ZNF385B: variants seen among roughly 807,000 people sequenced by gnomAD.
The protein encoded by ZNF385B is zinc finger protein 533.
ZNF385B carries 23 observed loss-of-function variants against 39.2 expected under a neutral mutation model. That is an observed-to-expected ratio of 0.59 (90% CI 0.42 to 0.83). The LOEUF (loss-of-function observed/expected upper bound fraction) is 0.83. Among genes scored for constraint, ZNF385B ranks in the 40% least tolerant of loss-of-function variants. ZNF385B has a pLI of 0.00. For missense variants in ZNF385B, 552 were observed against 598.9 expected (o/e 0.92, Z 0.82); for synonymous variants, 205 against 222.6 (o/e 0.92, Z 0.70).
In ZNF385B at chr2:179,693,685, A is replaced by G. The variant is rs57028984; in HGVS notation, c.298+75818T>C. The stretch of plus-strand genomic sequence containing the variant: ...ATAAACATGTAACATCATTCAAAAT[A>G]CTTTTTATGAAATAATCACAGGTAC... On this transcript the variant is annotated intron_variant, in intron 3 of 9. Coordinates refer to ENST00000410066, the MANE Select transcript of ZNF385B (RefSeq NM_152520.6). Among the ~76,000 whole-genome samples, 633 of 152,322 alleles carry G rather than the reference A, an allele frequency of 4.2e-3. 4 individuals are homozygous for G. Among genetic ancestry groups the G allele is most frequent in the African/African-American group, 0.015 (614 of 41,570 alleles).
At chr2:179,768,694 T>C (rs1000462643) in intron 3 of ZNF385B, among the ~76,000 whole-genome samples, 16 of 152,236 alleles carry the variant, frequency 1.1e-4, no homozygotes, top group African/African-American at 3.9e-4. Flanking sequence ...CTGTCTTTTG[T>C]AGAAATCTTC....
At chr2:179,826,784 T>C (rs1707706238) in intron 1 of ZNF385B, among the ~76,000 whole-genome samples, 1 of 152,178 alleles carries the variant, frequency 6.6e-6, no homozygotes, top group South Asian at 2.1e-4. Context: ...AAATACCAAC[T>C]GCTTTTGCAT....
intron 3 of ZNF385B, among the ~76,000 whole-genome samples, chr2:179,757,206 G>T (rs1205673627): frequency 6.6e-6 from 1 of 152,218 alleles, no homozygotes; most frequent in Non-Finnish European, 1.5e-5. Flanking sequence ...CTGCAGGTCT[G>T]TTGGAGTTTG....
chr2:179,852,309 C>G (rs1684241847), intron 1 of ZNF385B, among the ~76,000 whole-genome samples: 1 of 152,228 alleles, frequency 6.6e-6, no homozygotes, highest in Non-Finnish European at 1.5e-5. Flanking sequence ...GGGAGAGACA[C>G]TGCTGACATT....
intron 3 of ZNF385B, among the ~76,000 whole-genome samples, chr2:179,642,598 A>T (rs1692367481): frequency 6.6e-6 from 1 of 152,194 alleles, no homozygotes; most frequent in African/African-American, 2.4e-5. Context: ...AGTTCTTCAA[A>T]GAGAAAACCA....
intron 3 of ZNF385B, among the ~76,000 whole-genome samples, chr2:179,568,128 T>C (rs985941617): frequency 5.9e-5 from 9 of 152,164 alleles, no homozygotes; most frequent in African/African-American, 2.2e-4. Context: ...TCCCCCAAGA[T>C]CTAAGCGTCC....
At chr2:179,827,225 C>G (rs182809063) in intron 1 of ZNF385B, among the ~76,000 whole-genome samples, 2 of 152,030 alleles carry the variant, frequency 1.3e-5, no homozygotes, top group Admixed American at 1.3e-4. Context: ...AACCAATGTC[C>G]GAGGAGCTGC....
intron 1 of ZNF385B, among the ~76,000 whole-genome samples, chr2:179,797,749 A>G (rs1031717456): frequency 6.6e-6 from 1 of 152,108 alleles, no homozygotes; most frequent in Non-Finnish European, 1.5e-5. Context: ...TAGAGGCTTG[A>G]TCAAATTGAG....
At chr2:179,455,435 G>A (rs2050580676) in intron 6 of ZNF385B, among the ~76,000 whole-genome samples, 1 of 152,032 alleles carries the variant, frequency 6.6e-6, no homozygotes, top group Admixed American at 6.6e-5. Flanking sequence ...GAGATCTGAT[G>A]GTTTCATAAG....
intron 4 of ZNF385B, among the ~76,000 whole-genome samples, chr2:179,528,368 G>A (rs1413226449): frequency 6.6e-6 from 1 of 152,232 alleles, no homozygotes; most frequent in Non-Finnish European, 1.5e-5. Flanking sequence ...TTCATCTGGA[G>A]ACCTTTCTAA....
chr2:179,677,047 T>G (rs989801711), intron 3 of ZNF385B, among the ~76,000 whole-genome samples: 11 of 152,130 alleles, frequency 7.2e-5, no homozygotes, highest in African/African-American at 2.4e-4. Context: ...AAGTGACCAG[T>G]TGCAAATCAA....
intron 3 of ZNF385B, among the ~76,000 whole-genome samples, chr2:179,566,785 C>T (rs1684627615): frequency 6.6e-6 from 1 of 152,120 alleles, no homozygotes. Flanking sequence ...AGCTTCAGTT[C>T]CTTCATCCGA....
chr2:179,740,036 A>G (rs1399661270), intron 3 of ZNF385B, among the ~76,000 whole-genome samples: 1 of 152,190 alleles, frequency 6.6e-6, no homozygotes, highest in Non-Finnish European at 1.5e-5. Context: ...TGACAGAAAA[A>G]GAAGCCCTTA....
At chr2:179,660,159 A>G (rs914794882) in intron 3 of ZNF385B, 1 of 152,598 alleles carries the variant, frequency 6.6e-6, no homozygotes, top group Non-Finnish European at 1.5e-5. Context: ...TGAGAGGTAC[A>G]TTAACCTGCC....
intron 3 of ZNF385B, among the ~76,000 whole-genome samples, chr2:179,551,825 A>G (rs923614991): frequency 6.6e-6 from 1 of 152,018 alleles, no homozygotes; most frequent in African/African-American, 2.4e-5. Flanking sequence ...AACAGCATCG[A>G]GAGTCTGGAC....
At chr2:179,787,679 G>A (rs1705086228) in intron 1 of ZNF385B, among the ~76,000 whole-genome samples, 2 of 152,150 alleles carry the variant, frequency 1.3e-5, no homozygotes, top group African/African-American at 4.8e-5. Flanking sequence ...AACGGTCTAG[G>A]CTGTATCTTG....
chr2:179,803,983 A>T (rs1406695814), intron 1 of ZNF385B, among the ~76,000 whole-genome samples: 1 of 152,200 alleles, frequency 6.6e-6, no homozygotes, highest in Non-Finnish European at 1.5e-5. Context: ...GGAGAGACAG[A>T]AATGGGTTCA....
At chr2:179,558,192 T>A (rs183412317) in intron 3 of ZNF385B, among the ~76,000 whole-genome samples, 18 of 152,276 alleles carry the variant, frequency 1.2e-4, no homozygotes, top group Admixed American at 1.2e-3. Context: ...GCTCTGTCTT[T>A]AGGCCTCTCC....
intron 3 of ZNF385B, among the ~76,000 whole-genome samples, chr2:179,558,062 A>G (rs950660101): frequency 2.0e-5 from 3 of 152,186 alleles, no homozygotes; most frequent in South Asian, 2.1e-4. Flanking sequence ...GTTGGTTTTT[A>G]TACCGAAGTA....
Sources: gnomAD v4.1 joint callset for allele counts (sites outside exome capture counted in the v4.1 genomes callset) on GRCh38, gnomAD v4.1.1 for gene constraint, MANE v1.5 for transcripts, NCBI Gene and HGNC (gene_info 2026-07-23, HGNC 2026-07-21) for gene names.